The following SMG6 variants were observed in gnomAD, a reference collection of about 807,000 sequenced individuals.
The protein encoded by SMG6 is SMG6 nonsense mediated mRNA decay factor.
SMG6 carries 66 observed loss-of-function variants against 142.2 expected under a neutral mutation model. That is an observed-to-expected ratio of 0.46 (90% CI 0.38 to 0.57). The LOEUF is 0.57. Ranked by LOEUF, SMG6 falls within the 20% of genes least tolerant of loss-of-function variation. The probability of loss-of-function intolerance (pLI) is 0.00; values close to 1 mark genes in which losing one functional copy is unlikely to be tolerated. For synonymous variants in SMG6, 779 were observed against 702.4 expected (o/e 1.11, Z -1.72); for missense variants, 1,793 against 1,832.0 (o/e 0.98, Z 0.39).
intron 8 of SMG6, among the ~76,000 whole-genome samples, chr17:2,262,704 T>G (rs1204923642): frequency 6.6e-6 from 1 of 152,226 alleles, no homozygotes; most frequent in Admixed American, 6.5e-5. Context: ...ATTATTACAT[T>G]TATAACACTT....
At chr17:2,285,955 T>A (rs2151384006) in intron 6 of SMG6, among the ~76,000 whole-genome samples, 1 of 151,624 alleles carries the variant, frequency 6.6e-6, no homozygotes, top group South Asian at 2.1e-4. Flanking sequence ...ATTACAGGGG[T>A]CAGACACCCC....
intron 13 of SMG6, among the ~76,000 whole-genome samples, chr17:2,149,319 T>C (rs1204436603): frequency 2.6e-5 from 3 of 115,960 alleles, no homozygotes; most frequent in Non-Finnish European, 3.2e-5. Flanking sequence ...CACTACACTC[T>C]ACCCTGGGTG....
intron 13 of SMG6, among the ~76,000 whole-genome samples, chr17:2,132,648 A>G (rs2070160541): frequency 6.6e-6 from 1 of 152,236 alleles, no homozygotes; most frequent in South Asian, 2.1e-4. Flanking sequence ...CAATTTTCTC[A>G]TGCAAGTTCC....
intron 13 of SMG6, among the ~76,000 whole-genome samples, chr17:2,149,449 A>T (rs1348577328): frequency 6.6e-6 from 1 of 152,180 alleles, no homozygotes; most frequent in Non-Finnish European, 1.5e-5. Flanking sequence ...TACTTAAAGA[A>T]TAAGACTAAT....
intron 10 of SMG6, among the ~76,000 whole-genome samples, chr17:2,227,464 T>C (rs1322143827): frequency 6.6e-6 from 1 of 152,172 alleles, no homozygotes; most frequent in Non-Finnish European, 1.5e-5. Flanking sequence ...AGTCAGACAT[T>C]AGTCAGACAC....
intron 10 of SMG6, among the ~76,000 whole-genome samples, chr17:2,217,042 T>C (rs1364882810): frequency 6.6e-6 from 1 of 152,220 alleles, no homozygotes; most frequent in Admixed American, 6.5e-5. Context: ...GAACACATTA[T>C]GGCAGGAAAG....
At chr17:2,103,833 T>G (rs1003526679) in intron 13 of SMG6, among the ~76,000 whole-genome samples, 1 of 152,178 alleles carries the variant, frequency 6.6e-6, no homozygotes, top group Admixed American at 6.5e-5. Context: ...GAAAGACCCC[T>G]TAATAAGAGC....
intron 15 of SMG6, chr17:2,072,898 T>C (rs999524617): frequency 2.6e-5 from 4 of 151,988 alleles, no homozygotes; most frequent in African/African-American, 9.7e-5. Flanking sequence ...TATATGAAAG[T>C]ACCTAGCAAA....
rs775419012 is a variant in SMG6, at chr17:2,300,040, G to C, written c.713C>G (p.Pro238Arg). 3.1e-6 allele frequency: 5 copies of C among 1,614,142 alleles called. No homozygotes were observed. The highest frequency in any genetic ancestry group is 4.2e-6 in the Non-Finnish European group (5 of 1,180,038). ...GCGGGAGTAGCGCTTTGCGGAGCCC[G>C]GCCTCCCGCGGGCTGGGTCGTCGTG... Reference protein sequence around the residue: ...ETHDDPARGRPGSAKRYSRSD... With the variant: ...ETHDDPARGRRGSAKRYSRSD... The change falls in exon 2 of 19, where the codon CCG (proline) becomes CGG (arginine). Residue 238 changes from proline (P) to arginine (R), a missense_variant. Coordinates refer to ENST00000263073, the MANE Select transcript of SMG6 (RefSeq NM_017575.5).
Position 2,292,569 on chromosome 17 carries a change from A to G in SMG6, c.2320T>C (p.Leu774=), listed in dbSNP as rs1415813425. The change falls in exon 6 of 19, where the codon TTG becomes CTG. Residue 774 remains leucine, a synonymous_variant. Coordinates refer to ENST00000263073, the MANE Select transcript of SMG6 (RefSeq NM_017575.5). ...TTTCTTACCGTATACACTGCCAGCA[A>G]AGCCAACTGGTTATAGGGGCGCCCA... The part of the protein sequence containing the change: ...KNGRPYNQLA[L]LAVYTRRKLD... 1.2e-6 allele frequency: 2 copies of G among 1,614,102 alleles called. No individual in the cohort carries two copies. The highest frequency in any genetic ancestry group is 1.3e-5 in the African/African-American group (1 of 74,942).
chr17:2,158,576 A>G (rs1019119961), intron 13 of SMG6, among the ~76,000 whole-genome samples: 1 of 152,312 alleles, frequency 6.6e-6, no homozygotes, highest in Non-Finnish European at 1.5e-5. Context: ...TGGCAATTCT[A>G]GAGTATTTGA....
chr17:2,221,949 G>A (rs1362608894), intron 10 of SMG6, among the ~76,000 whole-genome samples: 1 of 152,218 alleles, frequency 6.6e-6, no homozygotes, highest in Non-Finnish European at 1.5e-5. Context: ...TGGCCAGGCT[G>A]GTCTTGAATT....
rs201287206 is a variant in SMG6 at position 2,300,418 on chromosome 17, G to A, written c.335C>T (p.Pro112Leu). Residue 112 changes from proline (P) to leucine (L), a missense_variant, in exon 2 of 19, where the codon CCA becomes CTA. This residue lies in a region of SMG6 where 1,597 missense variants were observed against 1,584.6 expected (regional missense o/e 1.01). Transcript: ENST00000263073. The stretch of plus-strand genomic sequence containing the variant: ...GGATTCTTGTCCCCGATTATTTTCT[G>A]GGTCTATAGGACCATTCTGCTCTTG... ...NNQEQNGPID[P>L]ENNRGQESFP... The A allele has an allele frequency of 1.9e-5, 30 of 1,614,120 alleles. No individual in the cohort carries two copies. Among genetic ancestry groups the A allele is most frequent in the Non-Finnish European group, 2.5e-5 (29 of 1,180,026 alleles).
chr17:2,111,835 G>A (rs1224353414), intron 13 of SMG6, among the ~76,000 whole-genome samples: 1 of 152,174 alleles, frequency 6.6e-6, no homozygotes, highest in African/African-American at 2.4e-5. Context: ...CCTGGTGAGA[G>A]GAGAGGCCTT....
At chr17:2,215,106 AT>A (rs2072975535) in intron 10 of SMG6, among the ~76,000 whole-genome samples, 1 of 152,066 alleles carries the variant, frequency 6.6e-6, no homozygotes. Flanking sequence ...ACAGTAATTA[AT>A]TTTTTTCTTA....
chr17:2,290,431 G>A (rs962509462), intron 6 of SMG6, among the ~76,000 whole-genome samples: 62 of 152,152 alleles, frequency 4.1e-4, no homozygotes, highest in African/African-American at 1.4e-3. Flanking sequence ...ATCTATACAC[G>A]AGCCTTACAC....
At chr17:2,246,800 G>C (rs2073937802) in intron 8 of SMG6, among the ~76,000 whole-genome samples, 1 of 152,122 alleles carries the variant, frequency 6.6e-6, no homozygotes. Context: ...ACAAAAATTA[G>C]CTGGGTGTGG....
chr17:2,282,820 G>C lies in SMG6; in HGVS notation c.2488C>G (p.Leu830Val). The C allele has an allele frequency of 1.2e-6, 2 of 1,614,134 alleles. No individual in the cohort carries two copies. Among genetic ancestry groups the C allele is most frequent in the Non-Finnish European group, 1.7e-6 (2 of 1,180,032 alleles). Reference sequence around the variant, plus strand: ...CCTTTCCGCCACTGGTCAGGGCTCAGGTCAAATTCCTCATGTTGCTTCTTT... The same window carrying C: ...CCTTTCCGCCACTGGTCAGGGCTCACGTCAAATTCCTCATGTTGCTTCTTT... ...MEKKQHEEFD[L>V]SPDQWRKGKK... Residue 830 changes from leucine to valine, a missense_variant, in exon 8 of 19, where the codon CTG becomes GTG. By Grantham distance (32) the Leu-to-Val change is conservative. Around this residue, in one of 3 missense-constraint regions of SMG6, gnomAD observed 1,597 missense variants for 1,584.6 expected, o/e 1.01. Coordinates refer to ENST00000263073, the MANE Select transcript of SMG6 (RefSeq NM_017575.5).
chr17:2,283,590 C>A, intron 7 of SMG6, 35 bp downstream of exon 7: 2 of 1,526,594 alleles, frequency 1.3e-6, no homozygotes, highest in Non-Finnish European at 1.8e-6. Flanking sequence ...ATGCACTATT[C>A]GAGGAAGGAA....
Sources: gnomAD v4.1 joint callset for allele counts (sites outside exome capture counted in the v4.1 genomes callset) on GRCh38, gnomAD v4.1.1 for gene constraint, gnomAD v4.1.1 regional missense constraint, MANE v1.5 for transcripts, NCBI Gene and HGNC (gene_info 2026-07-23, HGNC 2026-07-21) for gene names.